SAMMSON: variants seen among roughly 807,000 people sequenced by gnomAD.
The protein encoded by SAMMSON is survival associated mitochondrial melanoma specific oncogenic non-coding RNA.
At chr3:70,012,626 C>G (rs1240610238) in intron 2 of SAMMSON, 3 of 152,110 alleles carry the variant, frequency 2.0e-5, no homozygotes, top group African/African-American at 7.2e-5. Flanking sequence ...TTTTAAGGCA[C>G]TAAATTTGTG....
intron 4 of SAMMSON, among the ~76,000 whole-genome samples, chr3:70,108,423 C>T (rs1301846244): frequency 7.8e-5 from 7 of 89,344 alleles, no homozygotes; most frequent in South Asian, 5.2e-4. Context: ...CTTGCGGTTC[C>T]TTTTTTTTTT....
At chr3:70,265,099 T>G (rs575419217) in intron 6 of SAMMSON, among the ~76,000 whole-genome samples, 9 of 152,130 alleles carry the variant, frequency 5.9e-5, no homozygotes, top group Non-Finnish European at 1.2e-4. Context: ...ATGATTCAAT[T>G]ACCTCTCACT....
chr3:70,125,726 T>G (rs1300508804), intron 4 of SAMMSON: 4 of 680,094 alleles, frequency 5.9e-6, no homozygotes, highest in Non-Finnish European at 1.1e-5. Flanking sequence ...TGTAAACTGT[T>G]TTGTGAAGGA....
intron 6 of SAMMSON, among the ~76,000 whole-genome samples, chr3:70,290,524 C>T (rs1019310172): frequency 9.2e-5 from 14 of 152,210 alleles, no homozygotes; most frequent in Non-Finnish European, 1.6e-4. Context: ...TTTGTCTGTG[C>T]CCTGCCCCCA....
chr3:70,252,623 C>A (rs1338565681), intron 6 of SAMMSON, among the ~76,000 whole-genome samples: 1 of 152,130 alleles, frequency 6.6e-6, no homozygotes, highest in East Asian at 1.9e-4. Context: ...AGATGTGCCC[C>A]ATTTATAGGA....
At chr3:70,367,869 G>C (rs920923090) in intron 9 of SAMMSON, among the ~76,000 whole-genome samples, 11 of 150,902 alleles carry the variant, frequency 7.3e-5, no homozygotes, top group Admixed American at 7.3e-4. Flanking sequence ...CCCTTTCTCC[G>C]TATCCTTGCC....
At chr3:70,425,182 G>A (rs1368378069) in intron 2 of SAMMSON, 1 of 152,168 alleles carries the variant, frequency 6.6e-6, no homozygotes, top group Non-Finnish European at 1.5e-5. Context: ...ATGATAATGT[G>A]TCACATCATT....
At chr3:70,067,877 C>T (rs951401103) in intron 3 of SAMMSON, among the ~76,000 whole-genome samples, 2 of 151,976 alleles carry the variant, frequency 1.3e-5, no homozygotes, top group African/African-American at 4.8e-5. Flanking sequence ...GATTTTTTGC[C>T]CTGCTTTTGC....
In SAMMSON at chr3:70,308,678, G is replaced by A. The variant is rs767305056; in HGVS notation, n.739+17435G>A. 6.8e-4 allele frequency among the ~76,000 whole-genome samples: 104 copies of A among 152,150 alleles called. 3 individuals carry two copies. Among genetic ancestry groups the A allele is most frequent in the East Asian group, 4.5e-3 (23 of 5,168 alleles). ...GAGTGCAGGAGAGTATTTCTTTTTT[G>A]TATTGTTCTCTGCCACACTTACACC... On this transcript the variant is annotated intron_variant and non_coding_transcript_variant, in intron 7 of 9. Transcript: ENST00000642114.
chr3:70,002,496 G>A (rs2066910008), intron 1 of SAMMSON, among the ~76,000 whole-genome samples: 2 of 152,006 alleles, frequency 1.3e-5, no homozygotes, highest in South Asian at 2.1e-4. Context: ...CCACCAAGTC[G>A]CTTATAATTC....
At chr3:70,422,201 T>C (rs753168547) in intron 2 of SAMMSON, among the ~76,000 whole-genome samples, 80 of 152,112 alleles carry the variant, frequency 5.3e-4, no homozygotes, top group South Asian at 1.0e-3. Flanking sequence ...GACAGAGGCA[T>C]AAAATGAAAA....
At chr3:70,357,906 AG>A (rs1702841611) in intron 8 of SAMMSON, among the ~76,000 whole-genome samples, 1 of 152,092 alleles carries the variant, frequency 6.6e-6, no homozygotes, top group African/African-American at 2.4e-5. Flanking sequence ...CTGAGTATAA[AG>A]GATGATGAAG....
intron 3 of SAMMSON, among the ~76,000 whole-genome samples, chr3:70,034,099 AT>A (rs2067075817): frequency 6.6e-6 from 1 of 152,152 alleles, no homozygotes; most frequent in Non-Finnish European, 1.5e-5. Context: ...ATGGAATTAG[AT>A]GAAATTGCCT....
chr3:70,289,790 C>G (rs938666422), intron 6 of SAMMSON, among the ~76,000 whole-genome samples: 1 of 152,112 alleles, frequency 6.6e-6, no homozygotes, highest in Non-Finnish European at 1.5e-5. Flanking sequence ...AACTTTCCTT[C>G]TCGCTTCATT....
chr3:70,347,493 G>C (rs548222591), intron 7 of SAMMSON, among the ~76,000 whole-genome samples: 1 of 152,242 alleles, frequency 6.6e-6, no homozygotes, highest in South Asian at 2.1e-4. Flanking sequence ...AAGGGCCCGA[G>C]GAAGTATATG....
chr3:70,028,257 C>T (rs1249598925), intron 3 of SAMMSON, among the ~76,000 whole-genome samples: 2 of 150,884 alleles, frequency 1.3e-5, no homozygotes, highest in Non-Finnish European at 2.9e-5. Flanking sequence ...GCATTTTAGA[C>T]AGCTAAAAAA....
Position 70,135,798 on chromosome 3 carries a change from T to C in SAMMSON, n.507+64233T>C, listed in dbSNP as rs368691698. Among the ~76,000 whole-genome samples, 4 of 152,220 alleles carry C rather than the reference T, an allele frequency of 2.6e-5. No homozygotes were observed. The East Asian group carries it at 7.7e-4, about 29-fold the overall frequency. ...CTTTCTATGTTATGTATATACTTTG[T>C]CAAGAAACTAATAAGCTGAAGCAGT... On this transcript the variant is annotated intron_variant and non_coding_transcript_variant, in intron 4 of 9. Coordinates refer to ENST00000642114, the Ensembl canonical transcript of SAMMSON.
intron 2 of SAMMSON, among the ~76,000 whole-genome samples, chr3:70,396,769 G>C (rs1433735676): frequency 2.0e-5 from 3 of 152,094 alleles, no homozygotes; most frequent in South Asian, 2.1e-4. Context: ...GTTCCAAAAC[G>C]CTGATTTATT....
At chr3:70,279,985 C>A (rs892835065) in intron 6 of SAMMSON, among the ~76,000 whole-genome samples, 3 of 152,144 alleles carry the variant, frequency 2.0e-5, no homozygotes, top group African/African-American at 7.2e-5. Flanking sequence ...CAAAGTACAA[C>A]CTTGGTGGTT....
Sources: allele counts gnomAD v4.1 joint callset (sites outside exome capture counted in the v4.1 genomes callset), GRCh38; gene constraint gnomAD v4.1.1; transcripts MANE v1.5; gene names NCBI Gene and HGNC (gene_info 2026-07-23, HGNC 2026-07-21).